GRID2: variants seen among roughly 807,000 people sequenced by gnomAD.
GRID2 encodes glutamate receptor ionotropic, delta-2.
GRID2 carries 33 observed loss-of-function variants against 114.8 expected under a neutral mutation model. The observed-to-expected ratio is 0.29, with a 90% confidence interval of 0.22 to 0.38. GRID2 has a LOEUF of 0.38. Ranked by LOEUF, GRID2 falls within the 10% of genes least tolerant of loss-of-function variation. GRID2 has a pLI of 1.00. For missense variants in GRID2, 1,184 were observed against 1,257.7 expected (o/e 0.94, Z 0.89); for synonymous variants, 505 against 449.9 (o/e 1.12, Z -1.55).
intron 1 of GRID2, among the ~76,000 whole-genome samples, chr4:92,313,968 T>C (rs1213454921): frequency 6.6e-6 from 1 of 152,126 alleles, no homozygotes; most frequent in Non-Finnish European, 1.5e-5. Flanking sequence ...ATATATGTAA[T>C]TTTCTGAATA....
intron 2 of GRID2, among the ~76,000 whole-genome samples, chr4:92,754,679 C>A (rs940030907): frequency 7.2e-5 from 11 of 152,004 alleles, no homozygotes; most frequent in African/African-American, 2.4e-4. Context: ...TGTTTAAATA[C>A]CCTTCTTGAA....
intron 2 of GRID2, among the ~76,000 whole-genome samples, chr4:92,814,295 T>A (rs1015646324): frequency 2.6e-5 from 4 of 152,168 alleles, no homozygotes; most frequent in African/African-American, 9.7e-5. Flanking sequence ...TAAGTAGATA[T>A]AATACAGTAT....
At chr4:93,085,972 A>T (rs556821012) in intron 3 of GRID2, among the ~76,000 whole-genome samples, 2 of 152,322 alleles carry the variant, frequency 1.3e-5, no homozygotes, top group African/African-American at 2.4e-5. Context: ...ACAACTAAAC[A>T]AAATAATATT....
intron 4 of GRID2, among the ~76,000 whole-genome samples, chr4:93,119,200 G>A (rs78412507): frequency 6.5e-4 from 99 of 152,228 alleles, no homozygotes; most frequent in Middle Eastern, 3.4e-3. Context: ...GCAGTTATGT[G>A]CAGCTGAGTA....
intron 8 of GRID2, among the ~76,000 whole-genome samples, chr4:93,358,008 T>C (rs1183219302): frequency 4.6e-5 from 7 of 151,802 alleles, no homozygotes; most frequent in Admixed American, 4.6e-4. Context: ...TTATTATTCT[T>C]TTTTATTTTA....
intron 4 of GRID2, among the ~76,000 whole-genome samples, chr4:93,133,504 A>C (rs1427343752): frequency 2.6e-5 from 4 of 152,208 alleles, no homozygotes; most frequent in African/African-American, 7.2e-5. Flanking sequence ...CATAATAAAG[A>C]CTTCATTAAC....
intron 4 of GRID2, among the ~76,000 whole-genome samples, chr4:93,142,898 T>A (rs1296105047): frequency 6.6e-6 from 1 of 152,194 alleles, no homozygotes; most frequent in African/African-American, 2.4e-5. Context: ...GAATTTTATT[T>A]TTCATAGCAG....
chr4:92,415,740 G>GTCTATA (rs1459039400), intron 1 of GRID2, among the ~76,000 whole-genome samples: 6 of 82,230 alleles, frequency 7.3e-5, no homozygotes, highest in Non-Finnish European at 1.2e-4. Context: ...GTGTATGTGT[G>GTCTATA]TATATATATA....
intron 1 of GRID2, among the ~76,000 whole-genome samples, chr4:92,464,949 A>T (rs1370664061): frequency 1.3e-5 from 2 of 151,968 alleles, no homozygotes; most frequent in Non-Finnish European, 2.9e-5. Context: ...AGTTCTCAGG[A>T]GATCTGGTTG....
At chr4:93,611,408 G>T (rs1206122922) in intron 13 of GRID2, among the ~76,000 whole-genome samples, 1,951 of 75,604 alleles carry the variant, frequency 0.026, no homozygotes, top group South Asian at 0.039. Context: ...TGTGATGTTA[G>T]GGTGTCAATT....
intron 14 of GRID2, among the ~76,000 whole-genome samples, chr4:93,748,762 G>A (rs1732063776): frequency 6.6e-6 from 1 of 151,412 alleles, no homozygotes; most frequent in Admixed American, 6.6e-5. Context: ...ATGATATGAA[G>A]CCTGACAGGG....
chr4:92,998,792 A>G (rs1211073605), intron 2 of GRID2, among the ~76,000 whole-genome samples: 3 of 151,424 alleles, frequency 2.0e-5, no homozygotes, highest in Non-Finnish European at 4.4e-5. Flanking sequence ...TAAAAATTTG[A>G]TGGCGTTTTA....
At chr4:92,442,184 G>A (rs554811043) in intron 1 of GRID2, among the ~76,000 whole-genome samples, 4 of 151,494 alleles carry the variant, frequency 2.6e-5, no homozygotes, top group Admixed American at 6.6e-5. Flanking sequence ...CTTGGCGTCC[G>A]TGATGGTCTA....
intron 13 of GRID2, among the ~76,000 whole-genome samples, chr4:93,600,475 CA>C (rs1739562774): frequency 6.6e-6 from 1 of 151,832 alleles, no homozygotes; most frequent in Non-Finnish European, 1.5e-5. Flanking sequence ...ACTTAATTAA[CA>C]TCATTAGCCA....
chr4:92,899,673 A>C (rs187308788), intron 2 of GRID2, among the ~76,000 whole-genome samples: 1 of 152,344 alleles, frequency 6.6e-6, no homozygotes, highest in Admixed American at 6.5e-5. Context: ...AATAAGCAAA[A>C]ACAATGTTGA....
chr4:93,026,811 A>G lies in GRID2; in HGVS notation c.245-58184A>G, dbSNP rs1249731461. ...CTCACTAAGAACAAATGAAATGCAA[A>G]TATCATTCATTTATAATTTAATACT... On this transcript the variant is annotated intron_variant, in intron 2 of 15. Coordinates refer to ENST00000282020, the MANE Select transcript of GRID2 (RefSeq NM_001510.4). Among the ~76,000 whole-genome samples the G allele has an allele frequency of 1.4e-4, 22 of 152,040 alleles. 1 individual carries two copies. Among genetic ancestry groups the G allele is most frequent in the Admixed American group, 1.4e-3 (22 of 15,234 alleles).
At chr4:92,448,868 CATT>C (rs1038281828) in intron 1 of GRID2, among the ~76,000 whole-genome samples, 3 of 152,066 alleles carry the variant, frequency 2.0e-5, no homozygotes, top group African/African-American at 4.8e-5. Context: ...ATTTCAATCT[CATT>C]ATTCCTCACA....
intron 1 of GRID2, among the ~76,000 whole-genome samples, chr4:92,463,294 C>T (rs1183574382): frequency 2.0e-5 from 3 of 151,866 alleles, no homozygotes; most frequent in Non-Finnish European, 4.4e-5. Flanking sequence ...TCTTTAAGGC[C>T]TCTTGCCTGT....
At chr4:92,887,334 A>T (rs1343899540) in intron 2 of GRID2, among the ~76,000 whole-genome samples, 1 of 152,222 alleles carries the variant, frequency 6.6e-6, no homozygotes, top group Non-Finnish European at 1.5e-5. Context: ...AGAAAAGCAG[A>T]CATTAGAAAT....
Sources: gnomAD v4.1 joint callset for allele counts (sites outside exome capture counted in the v4.1 genomes callset) on GRCh38, gnomAD v4.1.1 for gene constraint, MANE v1.5 for transcripts, NCBI Gene and HGNC (gene_info 2026-07-23, HGNC 2026-07-21) for gene names.